SEC14L5: variants seen among roughly 807,000 people sequenced by gnomAD.
The protein encoded by SEC14L5 is SEC14-like protein 5.
In SEC14L5, 96 loss-of-function variants were observed where a neutral mutation model predicts 84.6. That is an observed-to-expected ratio of 1.13 (90% CI 0.96 to 1.34). The LOEUF is 1.34. Among genes scored for constraint, SEC14L5 ranks in the 40% most tolerant of loss-of-function variants. The pLI, the probability that SEC14L5 is intolerant of heterozygous loss-of-function variation, is 0.00. For synonymous variants in SEC14L5, 546 were observed against 383.4 expected, an observed-to-expected ratio of 1.42 and a Z score of -4.95; for missense variants, 1,224 against 942.5, an observed-to-expected ratio of 1.30 and a Z score of -3.91.
At position 4,991,904 on chromosome 16, in the gene SEC14L5, T is replaced by G; in HGVS notation, c.541T>G (p.Trp181Gly). ...ISQGTSHIPR[W>G]TPAPVREEDA... ...CCAGGGTACCTCGCACATTCCGCGCTGGACGCCTGCCCCAGTCCGTGAGGA... is the reference window on the plus strand; with the variant it reads ...CCAGGGTACCTCGCACATTCCGCGCGGGACGCCTGCCCCAGTCCGTGAGGA... Residue 181 changes from tryptophan (W) to glycine (G), a missense_variant, in exon 6 of 16, where the codon TGG (tryptophan) becomes GGG (glycine). Trp to Gly is a radical substitution (Grantham distance 184). Coordinates refer to ENST00000251170, the MANE Select transcript of SEC14L5 (RefSeq NM_014692.2). 1 of 1,608,890 alleles carries G rather than the reference T, an allele frequency of 6.2e-7. No individual in the cohort carries two copies. The highest frequency in any genetic ancestry group is 8.5e-7 in the Non-Finnish European group (1 of 1,178,872).
chr16:5,007,232 C>G, intron 12 of SEC14L5, 120 bp from the exon 13 acceptor site: 1 of 785,000 alleles, frequency 1.3e-6, no homozygotes, highest in Non-Finnish European at 2.0e-6. Context: ...AGCCCACAGC[C>G]CATTCAGTAA....
At chr16:4,980,628 T>A (rs1178210367) in intron 2 of SEC14L5, among the ~76,000 whole-genome samples, 1 of 152,104 alleles carries the variant, frequency 6.6e-6, no homozygotes, top group East Asian at 1.9e-4. Context: ...CCGGCACAGG[T>A]ATGAGGTTGT....
At position 4,987,725 on chromosome 16, in the gene SEC14L5, G is replaced by T; in HGVS notation, c.213+19G>T. The T allele has an allele frequency of 6.8e-7, 1 of 1,471,994 alleles. No homozygotes were observed. Among genetic ancestry groups the T allele is most frequent in the Non-Finnish European group, 8.9e-7 (1 of 1,118,518 alleles). 91.2% of individuals were successfully genotyped at this position (1,471,994 alleles called of 1,614,324 possible). A position where few individuals can be genotyped will look rare whatever the true frequency, so the allele number is the denominator to read the frequency against. ...GCGGAAGGTGGGCGGCCCTGGGGCTGGGGGGCGGAGGAGGGGACCTGTTGC... is the reference window on the plus strand; with the variant it reads ...GCGGAAGGTGGGCGGCCCTGGGGCTTGGGGGCGGAGGAGGGGACCTGTTGC... On this transcript the variant is annotated intron_variant, in intron 3 of 15. Transcript: ENST00000251170.
At chr16:5,002,357 T>C (rs1381538452) in intron 10 of SEC14L5, among the ~76,000 whole-genome samples, 1 of 149,096 alleles carries the variant, frequency 6.7e-6, no homozygotes, top group East Asian at 2.0e-4. Flanking sequence ...AGTACAGTGG[T>C]GCAATCTTGG....
Position 4,993,966 on chromosome 16 carries a change from C to CTTTTTTT in SEC14L5, c.667+1947_667+1953dup, listed in dbSNP as rs374711543. Among the ~76,000 whole-genome samples, 2 of 138,548 alleles carry CTTTTTTT rather than the reference C, an allele frequency of 1.4e-5. 1 individual carries two copies. The highest frequency in any genetic ancestry group is 3.1e-5 in the Non-Finnish European group (2 of 65,200). 90.9% of individuals were successfully genotyped at this position (138,548 alleles called of 152,430 possible). A position where few individuals can be genotyped will look rare whatever the true frequency, so the allele number is the denominator to read the frequency against. The stretch of plus-strand genomic sequence containing the variant: ...TTTTTCATGTTTAGTGACTGTTTTC[C>CTTTTTTT]TTTTTTTTTTTTTTTTTAATAATAC... On this transcript the variant is annotated intron_variant, in intron 6 of 15. Coordinates refer to ENST00000251170, the MANE Select transcript of SEC14L5 (RefSeq NM_014692.2).
intron 2 of SEC14L5, among the ~76,000 whole-genome samples, chr16:4,961,190 T>G (rs1955116763): frequency 6.6e-6 from 1 of 151,944 alleles, no homozygotes; most frequent in South Asian, 2.1e-4. Context: ...GGAGAATCTC[T>G]TGAACCCAGG....
At chr16:4,961,134 G>C (rs375063074) in intron 2 of SEC14L5, among the ~76,000 whole-genome samples, 4 of 152,188 alleles carry the variant, frequency 2.6e-5, no homozygotes, top group South Asian at 2.1e-4. Context: ...TTAGCCGGGC[G>C]TGGTGGCGCG....
chr16:5,014,901 C>G lies in SEC14L5; in HGVS notation c.2022C>G (p.Ser674=). 2 of 1,613,648 alleles carry G rather than the reference C, an allele frequency of 1.2e-6. No homozygotes were observed. Among genetic ancestry groups the G allele is most frequent in the South Asian group, 2.2e-5 (2 of 91,086 alleles). Residue 674 remains serine (S), a synonymous_variant, in exon 16 of 16, where the codon TCC becomes TCG. Coordinates refer to ENST00000251170, the MANE Select transcript of SEC14L5 (RefSeq NM_014692.2). ...TGGAATCCTGCACCAGCGGCTTCTC[C>G]CAGCTCAGCGCCGCCACCTCGTCCT... The part of the protein sequence containing the change: ...SSLESCTSGF[S]QLSAATSSSS...
intron 2 of SEC14L5, among the ~76,000 whole-genome samples, chr16:4,963,132 CA>C (rs1205798596): frequency 1.3e-5 from 2 of 152,208 alleles, no homozygotes; most frequent in Non-Finnish European, 2.9e-5. Flanking sequence ...ACTCCACTGA[CA>C]ATGACACAAA....
intron 2 of SEC14L5, among the ~76,000 whole-genome samples, chr16:4,965,449 C>A (rs1389057308): frequency 2.6e-5 from 4 of 151,512 alleles, no homozygotes; most frequent in Non-Finnish European, 5.9e-5. Flanking sequence ...ATCACGAGGT[C>A]AGGAGATCGA....
intron 2 of SEC14L5, among the ~76,000 whole-genome samples, chr16:4,975,816 C>T (rs1177933064): frequency 1.3e-5 from 2 of 152,112 alleles, no homozygotes; most frequent in Non-Finnish European, 2.9e-5. Context: ...GTATGACAGG[C>T]GATGGGGGCA....
chr16:4,973,235 T>G (rs763830703), intron 2 of SEC14L5, among the ~76,000 whole-genome samples: 5 of 152,220 alleles, frequency 3.3e-5, no homozygotes, highest in African/African-American at 7.2e-5. Context: ...GCCGCCCTTG[T>G]CCTGTCACTG....
chr16:5,004,028 G>A (rs1955705964), intron 11 of SEC14L5, among the ~76,000 whole-genome samples: 1 of 152,260 alleles, frequency 6.6e-6, no homozygotes, highest in Non-Finnish European at 1.5e-5. Flanking sequence ...CTGAAACAAG[G>A]GTGCAGCCAG....
chr16:4,985,234 T>A (rs991184583), intron 2 of SEC14L5, among the ~76,000 whole-genome samples: 1 of 152,212 alleles, frequency 6.6e-6, no homozygotes, highest in African/African-American at 2.4e-5. Context: ...TTTATTTGTT[T>A]ATTTTTTTGA....
chr16:4,996,077 T>C (rs1333340986), intron 6 of SEC14L5, among the ~76,000 whole-genome samples: 1 of 152,180 alleles, frequency 6.6e-6, no homozygotes, highest in African/African-American at 2.4e-5. Flanking sequence ...GTGGGAATTA[T>C]CTTCAATTCC....
At chr16:4,965,044 T>A (rs2142472695) in intron 2 of SEC14L5, among the ~76,000 whole-genome samples, 1 of 152,242 alleles carries the variant, frequency 6.6e-6, no homozygotes, top group Non-Finnish European at 1.5e-5. Context: ...ATAATATATA[T>A]TTTTAAAACT....
intron 8 of SEC14L5, 41 bp from the exon 9 acceptor site, chr16:5,000,614 A>G: frequency 6.8e-7 from 1 of 1,472,702 alleles, no homozygotes; most frequent in African/African-American, 1.4e-5. Flanking sequence ...GCAGTCCTCT[A>G]AATAACGGGC....
chr16:4,960,396 A>G (rs1955108524), intron 2 of SEC14L5, among the ~76,000 whole-genome samples: 1 of 151,850 alleles, frequency 6.6e-6, no homozygotes, highest in Non-Finnish European at 1.5e-5. Context: ...CATCTGTCCC[A>G]CCCCAGCACT....
At chr16:4,991,350 C>G (rs1367757671) in intron 5 of SEC14L5, among the ~76,000 whole-genome samples, 1 of 151,674 alleles carries the variant, frequency 6.6e-6, no homozygotes, top group African/African-American at 2.4e-5. Context: ...CAGTTGAGCC[C>G]AGGAATTTCA....
Sources: gnomAD v4.1 joint callset for allele counts (sites outside exome capture counted in the v4.1 genomes callset) on GRCh38, gnomAD v4.1.1 for gene constraint, MANE v1.5 for transcripts, NCBI Gene and HGNC (gene_info 2026-07-23, HGNC 2026-07-21) for gene names.